TRAPPC6A: variants seen among roughly 807,000 people sequenced by gnomAD.
The protein encoded by TRAPPC6A is TRAPP complex subunit 6A.
In TRAPPC6A, 25 loss-of-function variants were observed where a neutral mutation model predicts 20.8. The observed-to-expected ratio is 1.20, with a 90% CI of 0.88 to 1.68. The LOEUF (loss-of-function observed/expected upper bound fraction) is 1.68. Ranked by LOEUF, TRAPPC6A falls within the 40% of genes most tolerant of loss-of-function variation. The pLI is 0.00. For missense variants in TRAPPC6A, 215 were observed against 211.6 expected (o/e 1.02, Z -0.10); for synonymous variants, 96 against 93.3 (o/e 1.03, Z -0.16).
At chr19:45,165,093 C>T in intron 2 of TRAPPC6A, 34 bp downstream of exon 2, 1 of 1,612,298 alleles carries the variant, frequency 6.2e-7, no homozygotes, top group Non-Finnish European at 8.5e-7. Context: ...CCCTGCCAGC[C>T]AGGCTGGGGG....
chr19:45,173,269 C>T lies in TRAPPC6A; in HGVS notation c.84+4866G>A, dbSNP rs1275049417. On this transcript the variant is annotated intron_variant, in intron 1 of 5. Transcript: ENST00000585934. This position sits in a 1 kb window ranked among gnomAD's most constrained non-coding sequence, Gnocchi z 4.8. ...CAAAGGCCTTCCTGGCCCCTCTGGC[C>T]GGTCCTCCAGTTCACAACCTGTGAC... Among the ~76,000 whole-genome samples the T allele has an allele frequency of 1.3e-5, 2 of 151,828 alleles. No homozygotes were observed. Among genetic ancestry groups the T allele is most frequent in the Admixed American group, 6.6e-5 (1 of 15,238 alleles).
chr19:45,164,504 G>A (rs913103764), intron 3 of TRAPPC6A, among the ~76,000 whole-genome samples: 23 of 152,132 alleles, frequency 1.5e-4, no homozygotes, highest in Non-Finnish European at 3.4e-4. Flanking sequence ...TGGGGACCCG[G>A]CCCAGGAAGA....
chr19:45,163,316 T>C lies in TRAPPC6A; in HGVS notation c.449-93A>G. 1 of 1,401,360 alleles carries C rather than the reference T, an allele frequency of 7.1e-7. No homozygotes were observed. Among genetic ancestry groups the C allele is most frequent in the African/African-American group, 1.4e-5 (1 of 70,390 alleles). The allele number at this position is 1,401,360 out of a possible 1,614,324, so 86.8% of individuals were successfully genotyped here. A position where few individuals can be genotyped will look rare whatever the true frequency, so the allele number is the denominator to read the frequency against. ...TTAGGCGCTCACCCCCGTCCTGCACTGACACCCCAGTGGCTAGGTTGGGCT... is the reference window on the plus strand; with the variant it reads ...TTAGGCGCTCACCCCCGTCCTGCACCGACACCCCAGTGGCTAGGTTGGGCT... On this transcript the variant is annotated intron_variant, in intron 5 of 5. Coordinates refer to ENST00000585934, the MANE Select transcript of TRAPPC6A (RefSeq NM_001270891.2). The surrounding 1 kb of genome is among the most constrained non-coding windows in gnomAD (Gnocchi z 5.3).
intron 1 of TRAPPC6A, 112 bp downstream of exon 1, chr19:45,178,023 G>C: frequency 1.3e-6 from 2 of 1,557,160 alleles, no homozygotes; most frequent in Non-Finnish European, 8.7e-7. Context: ...ACGTTGCCCT[G>C]CAAGGCCGGG....
rs746712816 is a variant in TRAPPC6A, at chr19:45,163,143, G to A, written c.*49C>T. On this transcript the variant is annotated 3_prime_UTR_variant, in exon 6 of 6. Transcript: ENST00000585934. The surrounding 1 kb of genome is among the most constrained non-coding windows in gnomAD (Gnocchi z 5.3). ...TGCAGCGGCCCCACCGTCTCCTGAG[G>A]CCGGTGAGGCCAGGGGCAGCAGTGC... The A allele has an allele frequency of 1.2e-6, 2 of 1,612,102 alleles. No homozygotes were observed. The highest frequency in any genetic ancestry group is 1.7e-5 in the Admixed American group (1 of 59,934).
Position 45,163,805 on chromosome 19 carries a change from G to A in TRAPPC6A, c.448+111C>T, listed in dbSNP as rs564780897. On this transcript the variant is annotated intron_variant, in intron 5 of 5. Coordinates refer to ENST00000585934, the MANE Select transcript of TRAPPC6A (RefSeq NM_001270891.2). This position sits in a 1 kb window ranked among gnomAD's most constrained non-coding sequence, Gnocchi z 5.3. ...GCACCAGCCGTGTGGCTGAGCAGGT[G>A]ACTTAAAACTGGGCCTGCCTCCCAG... The A allele has an allele frequency of 1.1e-4, 104 of 944,214 alleles. 1 individual carries two copies. In the South Asian group the frequency reaches 1.5e-3, roughly 13 times the overall value. The allele number at this position is 944,214 out of a possible 1,614,324, so 58.5% of individuals were successfully genotyped here. A position where few individuals can be genotyped will look rare whatever the true frequency, so the allele number is the denominator to read the frequency against.
In TRAPPC6A at chr19:45,178,183, C is replaced by T; in HGVS notation, c.36G>A (p.Thr12=). ...GAGCCCACAGCTCAGCCACCATCTC[C>T]GTGTGAAGAAACTCAAACAACACAG... ...ADTVLFEFLH[T]EMVAELWAHD... is the part of the protein sequence containing the mutation. The change falls in exon 1 of 6, where the codon ACG becomes ACA. Residue 12 remains threonine, a synonymous_variant. Coordinates refer to ENST00000585934, the MANE Select transcript of TRAPPC6A (RefSeq NM_001270891.2). 1 of 1,611,648 alleles carries T rather than the reference C, an allele frequency of 6.2e-7. No individual in the cohort carries two copies. Among genetic ancestry groups the T allele is most frequent in the Non-Finnish European group, 8.5e-7 (1 of 1,178,228 alleles).
Position 45,176,785 on chromosome 19 carries a change from G to A in TRAPPC6A, c.84+1350C>T, listed in dbSNP as rs893760765. 4.0e-5 allele frequency among the ~76,000 whole-genome samples: 6 copies of A among 151,880 alleles called. No individual in the cohort carries two copies. In the East Asian group the frequency reaches 1.2e-3, roughly 29 times the overall value. ...GCGGTGGCTCACGCCTGTAATCCCA[G>A]CACTTTGGGAGGCCGAGGCGGGTGG... On this transcript the variant is annotated intron_variant, in intron 1 of 5. Coordinates refer to ENST00000585934, the MANE Select transcript of TRAPPC6A (RefSeq NM_001270891.2).
intron 1 of TRAPPC6A, among the ~76,000 whole-genome samples, chr19:45,170,211 G>A (rs935730579): frequency 2.6e-5 from 4 of 152,248 alleles, no homozygotes; most frequent in Non-Finnish European, 5.9e-5. Flanking sequence ...GAGGGTCAAC[G>A]CAGGCCACGT....
chr19:45,166,202 G>A (rs533047384), intron 1 of TRAPPC6A, among the ~76,000 whole-genome samples: 21 of 151,362 alleles, frequency 1.4e-4, no homozygotes, highest in African/African-American at 5.1e-4. Flanking sequence ...GTGAGCCACC[G>A]CGCCTGGCGA....
chr19:45,178,205 A>G lies in TRAPPC6A; in HGVS notation c.14T>C (p.Val5Ala), dbSNP rs932209228. MADT[V>A]LFEFLHTEMV... ...CTCCGTGTGAAGAAACTCAAACAACACAGTATCCGCCATGCCCCCTCCTCG... is the reference window on the plus strand; with the variant it reads ...CTCCGTGTGAAGAAACTCAAACAACGCAGTATCCGCCATGCCCCCTCCTCG... The change falls in exon 1 of 6, where the codon GTG becomes GCG. Residue 5 changes from valine (V) to alanine (A), a missense_variant. Val to Ala is a moderately conservative substitution (Grantham distance 64, BLOSUM62 0). Transcript: ENST00000585934. The G allele has an allele frequency of 5.6e-6, 9 of 1,607,738 alleles. 1 individual carries two copies. The highest frequency in any genetic ancestry group is 7.7e-6 in the Non-Finnish European group (9 of 1,175,448).
At chr19:45,178,044 G>C (rs1468481812) in intron 1 of TRAPPC6A, 91 bp downstream of exon 1, 5 of 1,591,404 alleles carry the variant, frequency 3.1e-6, no homozygotes, top group South Asian at 2.2e-5. Flanking sequence ...GCTGGGCCGG[G>C]TTCGAACCCG....
At chr19:45,169,946 T>C (rs1472377389) in intron 1 of TRAPPC6A, among the ~76,000 whole-genome samples, 1 of 152,128 alleles carries the variant, frequency 6.6e-6, no homozygotes, top group East Asian at 1.9e-4. Context: ...CTCCAGGAGC[T>C]CACCTACCTT....
chr19:45,164,828 G>A (rs747956022), intron 3 of TRAPPC6A, 25 bp downstream of exon 3: 1 of 1,603,818 alleles, frequency 6.2e-7, no homozygotes, highest in Non-Finnish European at 8.5e-7. Flanking sequence ...GAGGAAGCTG[G>A]ACGGGCAGGC....
intron 1 of TRAPPC6A, among the ~76,000 whole-genome samples, chr19:45,170,004 G>C (rs1265529026): frequency 6.6e-6 from 1 of 152,186 alleles, no homozygotes. Context: ...TGACAATCTG[G>C]GAAGGGCTGG....
Position 45,164,750 on chromosome 19 carries a change from G to GCGGGTCC in TRAPPC6A, c.270+96_270+102dup. On this transcript the variant is annotated intron_variant, in intron 3 of 5. Coordinates refer to ENST00000585934, the MANE Select transcript of TRAPPC6A (RefSeq NM_001270891.2). Reference sequence around the variant, plus strand: ...GCGGCCGCCTGTGGGAAAGCTCTGGGCGGGTCCCGGCAGCCGCTGCTCTGG... The same window carrying GCGGGTCC: ...GCGGCCGCCTGTGGGAAAGCTCTGGGCGGGTCCCGGGTCCCGGCAGCCGCTGCTCTGG... 7 of 1,061,216 alleles carry GCGGGTCC rather than the reference G, an allele frequency of 6.6e-6. No individual in the cohort carries two copies. The South Asian group carries it at 9.2e-5, about 14-fold the overall frequency. 65.7% of individuals were successfully genotyped at this position (1,061,216 alleles called of 1,614,324 possible).
At chr19:45,167,464 C>T (rs552053353) in intron 1 of TRAPPC6A, among the ~76,000 whole-genome samples, 57 of 152,260 alleles carry the variant, frequency 3.7e-4, no homozygotes, top group African/African-American at 1.3e-3. Flanking sequence ...TTAGGCCGGG[C>T]GCAGTGGCTC....
intron 1 of TRAPPC6A, among the ~76,000 whole-genome samples, chr19:45,176,823 G>A (rs866622387): frequency 6.7e-6 from 1 of 149,490 alleles, no homozygotes; most frequent in Middle Eastern, 3.4e-3. Flanking sequence ...CACAAGGTCA[G>A]GAGTTCGACA....
At position 45,163,183 on chromosome 19, in the gene TRAPPC6A, G is replaced by C. The variant is rs1273020092; in HGVS notation, c.*9C>G. ...GGCAGCAGTGCGGCTCAGCAGGTGC[G>C]AGGCAGGCTTAGGATTTCGGAATCA... On this transcript the variant is annotated 3_prime_UTR_variant, in exon 6 of 6. Coordinates refer to ENST00000585934, the MANE Select transcript of TRAPPC6A (RefSeq NM_001270891.2). This position sits in a 1 kb window ranked among gnomAD's most constrained non-coding sequence, Gnocchi z 5.3. The C allele has an allele frequency of 1.2e-6, 2 of 1,613,914 alleles. No homozygotes were observed. Among genetic ancestry groups the C allele is most frequent in the Admixed American group, 1.7e-5 (1 of 60,006 alleles).
Sources: allele counts gnomAD v4.1 joint callset (sites outside exome capture counted in the v4.1 genomes callset), GRCh38; gene constraint gnomAD v4.1.1; non-coding constraint Gnocchi (gnomAD v3.1); transcripts MANE v1.5; gene names NCBI Gene and HGNC (gene_info 2026-07-23, HGNC 2026-07-21).